NRG1: variants seen among roughly 807,000 people sequenced by gnomAD.
NRG1 encodes neuregulin 1.
Under a neutral mutation model 63.8 loss-of-function variants are expected in NRG1, and 18 were observed. The ratio of observed to expected loss-of-function variants is 0.28; its 90% CI spans 0.19 to 0.42. The LOEUF (loss-of-function observed/expected upper bound fraction) is 0.42, where lower values mean the gene tolerates loss of function less well. Among genes scored for constraint, NRG1 ranks in the 10% least tolerant of loss-of-function variants. The pLI is 1.00. For missense variants in NRG1, 762 were observed against 814.7 expected, an observed-to-expected ratio of 0.94 and a Z score of 0.79; for synonymous variants, 302 against 301.3, an observed-to-expected ratio of 1.00 and a Z score of -0.02.
chr8:32,086,350 T>C (rs542484352), intron 1 of NRG1, among the ~76,000 whole-genome samples: 3 of 152,238 alleles, frequency 2.0e-5, no homozygotes, highest in Non-Finnish European at 4.4e-5. Flanking sequence ...AAGGTGTTTC[T>C]GAGAGTGTCT....
chr8:32,043,797 A>G (rs1820477546), intron 1 of NRG1, among the ~76,000 whole-genome samples: 2 of 151,946 alleles, frequency 1.3e-5, no homozygotes, highest in South Asian at 2.1e-4. Flanking sequence ...TTGTATACAC[A>G]AAGAGATACA....
At chr8:31,788,090 G>A (rs1024107073) in intron 1 of NRG1, among the ~76,000 whole-genome samples, 2 of 152,010 alleles carry the variant, frequency 1.3e-5, no homozygotes, top group African/African-American at 4.8e-5. Context: ...CAAAGCTTGT[G>A]CTCTTAACTT....
chr8:31,893,474 T>G (rs1293840632), intron 1 of NRG1, among the ~76,000 whole-genome samples: 1 of 151,560 alleles, frequency 6.6e-6, no homozygotes, highest in Non-Finnish European at 1.5e-5. Flanking sequence ...GGTAAACGTT[T>G]TATATGTCAA....
intron 1 of NRG1, among the ~76,000 whole-genome samples, chr8:32,389,378 C>T (rs894129905): frequency 1.1e-4 from 16 of 152,106 alleles, no homozygotes; most frequent in Non-Finnish European, 2.9e-5. Context: ...TGTGGGAGAC[C>T]TAGTCGCAGG....
chr8:32,095,724 T>G (rs1829818484), intron 1 of NRG1, among the ~76,000 whole-genome samples: 1 of 152,180 alleles, frequency 6.6e-6, no homozygotes, highest in South Asian at 2.1e-4. Context: ...TGCTATTATG[T>G]CTTGGATATA....
intron 1 of NRG1, among the ~76,000 whole-genome samples, chr8:32,340,418 G>A (rs6991876): frequency 0.53 from 80,200 of 151,888 alleles, 21,904 homozygotes; most frequent in Non-Finnish European, 0.61. Flanking sequence ...CTTCATGACT[G>A]TCTCATGGGA....
At chr8:32,262,939 C>T (rs531886280) in intron 1 of NRG1, among the ~76,000 whole-genome samples, 2 of 152,258 alleles carry the variant, frequency 1.3e-5, no homozygotes, top group East Asian at 3.9e-4. Context: ...CTAACTCTTC[C>T]TCCTCATCCA....
intron 1 of NRG1, among the ~76,000 whole-genome samples, chr8:32,194,430 A>T (rs143945316): frequency 3.3e-5 from 5 of 152,268 alleles, no homozygotes; most frequent in Middle Eastern, 3.4e-3. Flanking sequence ...GGCATGCCAC[A>T]TCATGATGAT....
intron 1 of NRG1, among the ~76,000 whole-genome samples, chr8:31,715,912 A>G (rs1258272116): frequency 1.3e-5 from 2 of 152,226 alleles, no homozygotes; most frequent in African/African-American, 4.8e-5. Flanking sequence ...AATATAGTTG[A>G]AAGTCATATA....
intron 1 of NRG1, among the ~76,000 whole-genome samples, chr8:32,351,277 A>G (rs1370106666): frequency 6.6e-6 from 1 of 152,210 alleles, no homozygotes; most frequent in Non-Finnish European, 1.5e-5. Context: ...AGAAAGTCTT[A>G]GCCAGGAGTT....
chr8:31,744,115 C>T (rs943507814), intron 1 of NRG1, among the ~76,000 whole-genome samples: 31 of 151,894 alleles, frequency 2.0e-4, no homozygotes, highest in African/African-American at 5.6e-4. Context: ...TAGAGTAATA[C>T]ACATGTACAG....
At chr8:32,708,257 GA>G (rs1589329179) in intron 5 of NRG1, among the ~76,000 whole-genome samples, 3 of 152,078 alleles carry the variant, frequency 2.0e-5, no homozygotes, top group Non-Finnish European at 4.4e-5. Flanking sequence ...TGCATAGAAG[GA>G]AACAGCTTTT....
At chr8:32,588,187 G>A (rs914464263) in intron 1 of NRG1, among the ~76,000 whole-genome samples, 1 of 152,176 alleles carries the variant, frequency 6.6e-6, no homozygotes, top group Non-Finnish European at 1.5e-5. Flanking sequence ...CTCCCAAAGA[G>A]CTGGGATTGC....
intron 1 of NRG1, among the ~76,000 whole-genome samples, chr8:32,468,543 A>G (rs1373095797): frequency 1.3e-5 from 2 of 152,112 alleles, no homozygotes; most frequent in Admixed American, 6.5e-5. Flanking sequence ...TCTCTTTAAC[A>G]TTTCTCTGAA....
chr8:31,958,748 C>G (rs1804907052), intron 1 of NRG1, among the ~76,000 whole-genome samples: 1 of 152,082 alleles, frequency 6.6e-6, no homozygotes, highest in Non-Finnish European at 1.5e-5. Flanking sequence ...TGGGAGAAAT[C>G]AAAATTTTAA....
chr8:32,370,614 T>C (rs1468412280), intron 1 of NRG1, among the ~76,000 whole-genome samples: 1 of 151,910 alleles, frequency 6.6e-6, no homozygotes, highest in Non-Finnish European at 1.5e-5. Context: ...TCCCAACACT[T>C]TGGGAGACCG....
At chr8:32,087,305 G>A (rs1828371618) in intron 1 of NRG1, among the ~76,000 whole-genome samples, 1 of 151,922 alleles carries the variant, frequency 6.6e-6, no homozygotes, top group Non-Finnish European at 1.5e-5. Context: ...GTTTAAAAGT[G>A]TGTAGCACCT....
At chr8:31,865,110 C>G (rs920925288) in intron 1 of NRG1, among the ~76,000 whole-genome samples, 2 of 152,106 alleles carry the variant, frequency 1.3e-5, no homozygotes, top group Admixed American at 6.6e-5. Flanking sequence ...ATCTCAGTAA[C>G]TTTTGGCACC....
intron 7 of NRG1, among the ~76,000 whole-genome samples, chr8:32,753,474 A>G (rs1829102570): frequency 6.6e-6 from 1 of 152,234 alleles, no homozygotes; most frequent in Non-Finnish European, 1.5e-5. Flanking sequence ...TATAATCTAC[A>G]TTAGCTCATT....
Sources: gnomAD v4.1 joint callset for allele counts (sites outside exome capture counted in the v4.1 genomes callset) on GRCh38, gnomAD v4.1.1 for gene constraint, MANE v1.5 for transcripts, NCBI Gene and HGNC (gene_info 2026-07-23, HGNC 2026-07-21) for gene names.